KCNK2: variants seen among roughly 807,000 people sequenced by gnomAD.
KCNK2 encodes the protein potassium channel subfamily K member 2.
Under a neutral mutation model 40.5 loss-of-function variants are expected in KCNK2, and 21 were observed. The ratio of observed to expected loss-of-function variants is 0.52; its 90% confidence interval spans 0.37 to 0.75. The LOEUF (loss-of-function observed/expected upper bound fraction) is 0.75, where lower values mean the gene tolerates loss of function less well. Ranked by LOEUF, KCNK2 falls within the 30% of genes least tolerant of loss-of-function variation. The pLI is 0.00. For missense variants in KCNK2, 399 were observed against 531.6 expected (o/e 0.75, Z 2.45); for synonymous variants, 191 against 202.2 (o/e 0.94, Z 0.47).
In KCNK2 at chr1:215,016,029, A is replaced by G. The variant is rs375078973; in HGVS notation, c.34+10074A>G. Among the ~76,000 whole-genome samples, 150 of 152,290 alleles carry G rather than the reference A, an allele frequency of 9.8e-4. 5 individuals carry two copies. In the South Asian group the frequency reaches 0.031, roughly 31 times the overall value. ...CAGGTCAGGCCCCCACGATCAAGCG[A>G]AACAAAATGTGTATGTATAATCAAA... is the stretch of plus-strand genomic sequence containing the variant. On this transcript the variant is annotated intron_variant, in intron 1 of 6. Coordinates refer to the KCNK2 transcript ENST00000391895.
chr1:215,209,453 T>A (rs1168569492), intron 6 of KCNK2, among the ~76,000 whole-genome samples: 267 of 11,836 alleles, frequency 0.023, 12 homozygotes, highest in African/African-American at 0.081. Context: ...ATAATATATA[T>A]TATATATTAT....
At chr1:215,139,798 C>T (rs958942759) in intron 3 of KCNK2, among the ~76,000 whole-genome samples, 7 of 151,724 alleles carry the variant, frequency 4.6e-5, no homozygotes, top group Non-Finnish European at 8.8e-5. Flanking sequence ...GCCTTTTTCC[C>T]CGATTTTTAA....
At chr1:215,010,540 G>A (rs751947905) in intron 1 of KCNK2, among the ~76,000 whole-genome samples, 1 of 152,096 alleles carries the variant, frequency 6.6e-6, no homozygotes, top group Non-Finnish European at 1.5e-5. Context: ...AGACTCTAAG[G>A]TTAGACTAAG....
At chr1:215,063,909 G>C (rs1445500402) in intron 1 of KCNK2, among the ~76,000 whole-genome samples, 1 of 152,158 alleles carries the variant, frequency 6.6e-6, no homozygotes, top group Non-Finnish European at 1.5e-5. Context: ...TTAACAGCTG[G>C]TTAGATTTGT....
chr1:215,010,463 C>A (rs954054764), intron 1 of KCNK2, among the ~76,000 whole-genome samples: 10 of 152,160 alleles, frequency 6.6e-5, no homozygotes, highest in Non-Finnish European at 1.3e-4. Context: ...TTAGAGAAGA[C>A]CTTGCTCTGC....
intron 6 of KCNK2, among the ~76,000 whole-genome samples, chr1:215,209,362 TATGC>T (rs1390560717): frequency 3.4e-5 from 2 of 58,256 alleles, no homozygotes; most frequent in East Asian, 1.2e-3. Context: ...ATATATAATA[TATGC>T]ATATATTATA....
chr1:215,167,225 A>G (rs986624063), intron 3 of KCNK2, among the ~76,000 whole-genome samples: 24 of 152,132 alleles, frequency 1.6e-4, no homozygotes, highest in African/African-American at 5.1e-4. Flanking sequence ...AAAATTGACC[A>G]TAATAAAGCC....
chr1:215,069,027 A>C (rs2102513739), intron 1 of KCNK2, among the ~76,000 whole-genome samples: 1 of 152,360 alleles, frequency 6.6e-6, no homozygotes, highest in South Asian at 2.1e-4. Flanking sequence ...ACGGTTGCTA[A>C]GGAGATGGAA....
At chr1:215,078,641 A>G (rs1659039568), upstream of KCNK2, among the ~76,000 whole-genome samples, 1 of 152,154 alleles carries the variant, frequency 6.6e-6, no homozygotes, top group African/African-American at 2.4e-5. Context: ...GACATGTGGG[A>G]ATTATGGAGA....
intron 5 of KCNK2, among the ~76,000 whole-genome samples, chr1:215,187,089 C>G (rs1336102638): frequency 6.6e-6 from 1 of 152,106 alleles, no homozygotes; most frequent in African/African-American, 2.4e-5. Flanking sequence ...CTTGCCTCAG[C>G]CTCCCAAGTT....
Position 215,148,080 on chromosome 1 carries a change from CT to C in KCNK2, c.476-21101del, listed in dbSNP as rs756218432. Among the ~76,000 whole-genome samples, 424 of 111,098 alleles carry C rather than the reference CT, an allele frequency of 3.8e-3. 1 individual carries two copies. Among genetic ancestry groups the C allele is most frequent in the African/African-American group, 7.7e-3 (207 of 26,746 alleles). The allele number at this position is 111,098 out of a possible 152,430, so 72.9% of individuals were successfully genotyped here. A position where few individuals can be genotyped will look rare whatever the true frequency, so the allele number is the denominator to read the frequency against. ...ATTATTATTTTTTTATTTTCTTTTC[CT>C]TTTTTTTTTTTTTTTTTGGCAGGGT... On this transcript the variant is annotated intron_variant, in intron 3 of 6. Coordinates refer to ENST00000444842, the MANE Select transcript of KCNK2 (RefSeq NM_001017425.3).
chr1:215,031,427 A>T (rs191287342), intron 1 of KCNK2, among the ~76,000 whole-genome samples: 39 of 152,162 alleles, frequency 2.6e-4, no homozygotes, highest in Non-Finnish European at 1.0e-4. Context: ...CTTCCTAGAG[A>T]TCTCATACCA....
In KCNK2 at chr1:215,173,241, T is replaced by C. The variant is rs150065527; in HGVS notation, c.823+1058T>C. On this transcript the variant is annotated intron_variant, in intron 5 of 6. Transcript: ENST00000444842. ...ACTGTTTGGTTTTTTGTCCTTGCGA[T>C]AGTTTGCTGAGAATGATGGTTTCCA... 5.1e-4 allele frequency among the ~76,000 whole-genome samples: 78 copies of C among 152,284 alleles called. 2 individuals carry two copies. In the East Asian group the frequency reaches 0.013, roughly 26 times the overall value.
chr1:215,195,144 G>T (rs754485837), intron 6 of KCNK2, 52 bp downstream of exon 6: 5 of 1,301,796 alleles, frequency 3.8e-6, no homozygotes, highest in Non-Finnish European at 5.3e-6. Flanking sequence ...TTCAATAAAG[G>T]TTATTTTAAA....
At chr1:215,079,171 G>T (rs1659054937), upstream of KCNK2, among the ~76,000 whole-genome samples, 1 of 152,184 alleles carries the variant, frequency 6.6e-6, no homozygotes, top group African/African-American at 2.4e-5. Flanking sequence ...GAGTAGTCCT[G>T]CAGCATGAAA....
chr1:215,113,231 A>AT (rs972668846), intron 2 of KCNK2, among the ~76,000 whole-genome samples: 5 of 151,982 alleles, frequency 3.3e-5, no homozygotes, highest in East Asian at 3.9e-4. Context: ...TTATGAATGT[A>AT]TTTTTTTTGC....
intron 1 of KCNK2, among the ~76,000 whole-genome samples, chr1:215,006,716 T>G (rs1165194687): frequency 6.6e-6 from 1 of 152,064 alleles, no homozygotes; most frequent in East Asian, 1.9e-4. Context: ...TTTTGAATGC[T>G]GAATAAATGC....
chr1:215,231,515 C>T lies in KCNK2; in HGVS notation c.964-3313C>T, dbSNP rs9658803. ...GATTGTTATACCAACTCTATAGGGACGATTCCGTGGTTTCCTCCACTTCAC... is the reference window on the plus strand; with the variant it reads ...GATTGTTATACCAACTCTATAGGGATGATTCCGTGGTTTCCTCCACTTCAC... On this transcript the variant is annotated intron_variant, in intron 6 of 6. Coordinates refer to ENST00000444842, the MANE Select transcript of KCNK2 (RefSeq NM_001017425.3). Among the ~76,000 whole-genome samples the T allele has an allele frequency of 2.0e-5, 3 of 152,144 alleles. No homozygotes were observed. The South Asian group carries it at 6.2e-4, about 32-fold the overall frequency.
intron 1 of KCNK2, among the ~76,000 whole-genome samples, chr1:215,052,362 T>A (rs1658022276): frequency 6.6e-6 from 1 of 152,172 alleles, no homozygotes; most frequent in Non-Finnish European, 1.5e-5. Context: ...GAGGATGGAC[T>A]GATGGAATGC....
Sources: allele counts gnomAD v4.1 joint callset (sites outside exome capture counted in the v4.1 genomes callset), GRCh38; gene constraint gnomAD v4.1.1; transcripts MANE v1.5; gene names NCBI Gene and HGNC (gene_info 2026-07-23, HGNC 2026-07-21).